The following HSF2BP variants were observed in gnomAD, a reference collection of about 807,000 sequenced individuals.
HSF2BP encodes heat shock factor 2-binding protein.
A neutral mutation model predicts 35.0 loss-of-function variants in HSF2BP; 35 were observed. The observed-to-expected ratio is 1.00, with a 90% CI of 0.76 to 1.32. The LOEUF is 1.32. Among genes scored for constraint, HSF2BP ranks in the 40% most tolerant of loss-of-function variants. HSF2BP has a pLI of 0.00. For synonymous variants in HSF2BP, 114 were observed against 117.4 expected, an observed-to-expected ratio of 0.97 and a Z score of 0.18; for missense variants, 326 against 321.7, an observed-to-expected ratio of 1.01 and a Z score of -0.10.
At chr21:43,573,779 A>G (rs1351888202) in intron 8 of HSF2BP, among the ~76,000 whole-genome samples, 1 of 151,824 alleles carries the variant, frequency 6.6e-6, no homozygotes, top group East Asian at 1.9e-4. Context: ...GGTCATCAGT[A>G]GAGCTGGCAC....
intron 7 of HSF2BP, among the ~76,000 whole-genome samples, chr21:43,598,664 A>C (rs989970945): frequency 3.9e-5 from 5 of 127,890 alleles, no homozygotes; most frequent in African/African-American, 1.4e-4. Flanking sequence ...GCCACACTGC[A>C]AGTTCTTTCA....
At chr21:43,607,156 G>A (rs1184116502) in intron 7 of HSF2BP, among the ~76,000 whole-genome samples, 1 of 152,062 alleles carries the variant, frequency 6.6e-6, no homozygotes, top group Non-Finnish European at 1.5e-5. Context: ...CAGGTGTGGT[G>A]GCACACACCT....
chr21:43,617,884 G>A (rs1015832788), intron 6 of HSF2BP, among the ~76,000 whole-genome samples: 3 of 151,752 alleles, frequency 2.0e-5, no homozygotes, highest in Admixed American at 2.0e-4. Context: ...AACCCGGGAG[G>A]CAGAGGCTGC....
At chr21:43,653,872 T>G (rs576231995) in intron 3 of HSF2BP, among the ~76,000 whole-genome samples, 5 of 152,176 alleles carry the variant, frequency 3.3e-5, no homozygotes, top group African/African-American at 9.6e-5. Flanking sequence ...CGGACAGGTT[T>G]CATGCGGAGT....
chr21:43,641,493 A>C (rs2082636193), intron 4 of HSF2BP, among the ~76,000 whole-genome samples: 1 of 152,138 alleles, frequency 6.6e-6, no homozygotes, highest in Non-Finnish European at 1.5e-5. Flanking sequence ...GCCAGGAACA[A>C]AGTCTTCCTT....
At chr21:43,602,000 G>A (rs1246481042) in intron 7 of HSF2BP, among the ~76,000 whole-genome samples, 1 of 152,120 alleles carries the variant, frequency 6.6e-6, no homozygotes, top group Non-Finnish European at 1.5e-5. Context: ...AAAGGGATCG[G>A]GCCACCAAAA....
rs150980653 is a variant in HSF2BP, at chr21:43,597,740, T to C, written c.693-5412A>G. ...CCATCTTGCCAAGGCTGGTCTTGAA[T>C]TCTCGGCCTCAGGCAATTTTCCCAC... On this transcript the variant is annotated intron_variant, in intron 7 of 8. Coordinates refer to ENST00000291560, the MANE Select transcript of HSF2BP (RefSeq NM_007031.2). The surrounding 1 kb of genome is among the most constrained non-coding windows in gnomAD (Gnocchi z 4.3). Among the ~76,000 whole-genome samples the C allele has an allele frequency of 3.4e-3, 514 of 152,300 alleles. 8 individuals carry two copies. The highest frequency in any genetic ancestry group is 0.012 in the African/African-American group (483 of 41,542).
intron 7 of HSF2BP, among the ~76,000 whole-genome samples, chr21:43,613,257 C>T (rs2082231524): frequency 6.6e-6 from 1 of 152,196 alleles, no homozygotes. Context: ...CAGCAGCTGA[C>T]CCACAGCTGA....
chr21:43,579,553 T>C (rs545291543), intron 8 of HSF2BP, among the ~76,000 whole-genome samples: 123 of 152,248 alleles, frequency 8.1e-4, no homozygotes, highest in African/African-American at 2.8e-3. Flanking sequence ...ATCCTGAAAA[T>C]TAGAATCTGA....
At chr21:43,495,630 TAGG>T in the HSF2BP span, among the ~76,000 whole-genome samples, 2 of 119,524 alleles carry the variant, frequency 1.7e-5, no homozygotes, top group African/African-American at 3.1e-5. Context: ...CCAACTGAAC[TAGG>T]AGAAGAGCAG....
intron 8 of HSF2BP, among the ~76,000 whole-genome samples, chr21:43,579,500 T>G (rs1038874133): frequency 6.6e-6 from 1 of 152,180 alleles, no homozygotes; most frequent in Non-Finnish European, 1.5e-5. Context: ...TATTTTGAAG[T>G]AAAATAGTTA....
intron 8 of HSF2BP, among the ~76,000 whole-genome samples, chr21:43,580,976 G>A (rs180913968): frequency 6.6e-6 from 1 of 152,328 alleles, no homozygotes; most frequent in Non-Finnish European, 1.5e-5. Flanking sequence ...ACACTGAAGG[G>A]AATCAGATGC....
chr21:43,651,398 C>T (rs1178189259), intron 3 of HSF2BP, among the ~76,000 whole-genome samples: 1 of 152,132 alleles, frequency 6.6e-6, no homozygotes, highest in Non-Finnish European at 1.5e-5. Flanking sequence ...CAAGACTAAT[C>T]AAACGTCCCT....
intron 6 of HSF2BP, among the ~76,000 whole-genome samples, chr21:43,614,615 T>C (rs2082249146): frequency 6.6e-6 from 1 of 152,016 alleles, no homozygotes; most frequent in African/African-American, 2.4e-5. Flanking sequence ...GATGTGAAAA[T>C]TCACTTTTAA....
chr21:43,657,962 C>A lies in HSF2BP; in HGVS notation c.36+99G>T, dbSNP rs1181762724. ...AGTCTCCAGGCTTCCCCCAAGCACG[C>A]GACAGCGAGCCGTCTCCGAGCGCAC... On this transcript the variant is annotated intron_variant, in intron 2 of 8. Transcript: ENST00000291560. 4 of 1,521,526 alleles carry A rather than the reference C, an allele frequency of 2.6e-6. No homozygotes were observed. The Admixed American group carries it at 6.0e-5, about 23-fold the overall frequency. 94.3% of individuals were successfully genotyped at this position (1,521,526 alleles called of 1,614,324 possible).
At chr21:43,645,797 GT>G (rs2082701274) in intron 3 of HSF2BP, among the ~76,000 whole-genome samples, 1 of 152,132 alleles carries the variant, frequency 6.6e-6, no homozygotes, top group Non-Finnish European at 1.5e-5. Context: ...GAATCTAGGG[GT>G]CTGAGAGGAC....
intron 3 of HSF2BP, among the ~76,000 whole-genome samples, chr21:43,650,099 A>C (rs1161472710): frequency 6.6e-6 from 1 of 152,246 alleles, no homozygotes; most frequent in Admixed American, 6.5e-5. Context: ...CACCACCTTC[A>C]TTGTACTTAC....
At chr21:43,618,933 A>G (rs1568918201) in intron 6 of HSF2BP, among the ~76,000 whole-genome samples, 1 of 151,988 alleles carries the variant, frequency 6.6e-6, no homozygotes. Context: ...CGACAGAGCA[A>G]GACTCCGTCT....
At chr21:43,650,558 G>C (rs2082770619) in intron 3 of HSF2BP, among the ~76,000 whole-genome samples, 1 of 151,912 alleles carries the variant, frequency 6.6e-6, no homozygotes, top group African/African-American at 2.4e-5. Context: ...ACAAATTTTT[G>C]ATACCCACTG....
Sources: allele counts gnomAD v4.1 joint callset (sites outside exome capture counted in the v4.1 genomes callset), GRCh38; gene constraint gnomAD v4.1.1; non-coding constraint Gnocchi (gnomAD v3.1); transcripts MANE v1.5; gene names NCBI Gene and HGNC (gene_info 2026-07-23, HGNC 2026-07-21).